ATP9B: variants seen among roughly 807,000 people sequenced by gnomAD.
ATP9B encodes the protein probable phospholipid-transporting ATPase IIB.
In ATP9B, 110 loss-of-function variants were observed where a neutral mutation model predicts 146.1. The ratio of observed to expected loss-of-function variants is 0.75; its 90% confidence interval spans 0.65 to 0.88. ATP9B has a LOEUF of 0.88. Among genes scored for constraint, ATP9B ranks in the 40% least tolerant of loss-of-function variants. ATP9B has a pLI of 0.00. For missense variants in ATP9B, 1,499 were observed against 1,496.4 expected (o/e 1.00, Z -0.03); for synonymous variants, 604 against 569.7 (o/e 1.06, Z -0.86).
At chr18:79,309,538 T>C (rs372237192) in intron 15 of ATP9B, among the ~76,000 whole-genome samples, 19 of 129,188 alleles carry the variant, frequency 1.5e-4, no homozygotes, top group East Asian at 4.9e-4. Flanking sequence ...AGGTCAGGGG[T>C]GGTGGAGTGA....
In ATP9B at chr18:79,277,100, A is replaced by C. The variant is rs1383384545; in HGVS notation, c.1315A>C (p.Met439Leu). Residue 439 changes from methionine to leucine, a missense_variant, in exon 13 of 30, where the codon ATG (methionine) becomes CTG (leucine). Met to Leu is a conservative substitution (Grantham distance 15). Coordinates refer to ENST00000426216, the MANE Select transcript of ATP9B (RefSeq NM_198531.5). ...DMGKAVYGWMMMKDENIPGTV... is the reference protein window; with the variant it reads ...DMGKAVYGWMLMKDENIPGTV... ...GGGCAAAGCGGTGTATGGATGGATG[A>C]TGATGAAAGATGAGAACATCCCTGG... 9 of 1,614,082 alleles carry C rather than the reference A, an allele frequency of 5.6e-6. No homozygotes were observed. In the Admixed American group the frequency reaches 6.7e-5, roughly 12 times the overall value.
In ATP9B at chr18:79,377,470, C is replaced by T. The variant is rs1464770209; in HGVS notation, c.*87C>T. On this transcript the variant is annotated 3_prime_UTR_variant, in exon 30 of 30. Coordinates refer to ENST00000426216, the MANE Select transcript of ATP9B (RefSeq NM_198531.5). ...CCTTGCCAGTGAACGCAGGGTTTGC[C>T]ATTGCTACCAAGCAAGCACCACAAG... The T allele has an allele frequency of 4.0e-6, 6 of 1,499,678 alleles. No individual in the cohort carries two copies. The highest frequency in any genetic ancestry group is 1.4e-5 in the African/African-American group (1 of 72,368). The allele number at this position is 1,499,678 out of a possible 1,614,324, so 92.9% of individuals were successfully genotyped here.
chr18:79,310,980 G>A lies in ATP9B; in HGVS notation c.1773+3746G>A, dbSNP rs138460882. Reference sequence around the variant, plus strand: ...AGCCTGGCCAACATGGCGAAACCCCGTCTCTACCAAAAATATAAAAAATTA... The same window carrying A: ...AGCCTGGCCAACATGGCGAAACCCCATCTCTACCAAAAATATAAAAAATTA... On this transcript the variant is annotated intron_variant, in intron 15 of 29. Coordinates refer to ENST00000426216, the MANE Select transcript of ATP9B (RefSeq NM_198531.5). 5.8e-3 allele frequency among the ~76,000 whole-genome samples: 884 copies of A among 151,968 alleles called. 4 individuals are homozygous for A. Among genetic ancestry groups the A allele is most frequent in the African/African-American group, 0.012 (518 of 41,466 alleles).
At chr18:79,339,057 C>T (rs896550096) in intron 19 of ATP9B, among the ~76,000 whole-genome samples, 13 of 152,278 alleles carry the variant, frequency 8.5e-5, no homozygotes, top group African/African-American at 3.1e-4. Flanking sequence ...CTTCTGAGAT[C>T]GCAGTAGGAA....
At position 79,373,899 on chromosome 18, in the gene ATP9B, C is replaced by G. The variant is rs149975826; in HGVS notation, c.3072C>G (p.Gly1024=). Residue 1024 remains glycine, a splice_region_variant and synonymous_variant, in exon 28 of 30, where the codon GGC becomes GGG. Transcript: ENST00000426216. Reference sequence around the variant, plus strand: ...GAAAAAGCTCCTGCTGTTTTTCAGGCGGCATCCTCATGTATGGGGCCCTGG... The same window carrying G: ...GAAAAAGCTCCTGCTGTTTTTCAGGGGGCATCCTCATGTATGGGGCCCTGG... ...LIWVLISIYQ[G]GILMYGALVL... The G allele has an allele frequency of 1.3e-4, 202 of 1,612,542 alleles. No individual in the cohort carries two copies. The African/African-American group carries it at 2.2e-3, about 18-fold the overall frequency.
intron 10 of ATP9B, chr18:79,209,517 C>G: frequency 4.2e-6 from 1 of 240,614 alleles, no homozygotes; most frequent in African/African-American, 2.3e-5. Flanking sequence ...CCATACGGTT[C>G]CCTGAACAAA....
Position 79,176,862 on chromosome 18 carries a change from G to A in ATP9B, c.828G>A (p.Lys276=). The change falls in exon 8 of 30, where the codon AAG becomes AAA. Residue 276 remains lysine, a synonymous_variant. Coordinates refer to ENST00000426216, the MANE Select transcript of ATP9B (RefSeq NM_198531.5). ...TDQLDGETDW[K]LKVAVSCTQQ... is the part of the protein sequence containing the mutation. ...AACTAGATGGTGAAACTGACTGGAA[G>A]CTGAAGGTGGCAGTGAGCTGCACGC... The A allele has an allele frequency of 6.2e-7, 1 of 1,614,162 alleles. No individual in the cohort carries two copies. Among genetic ancestry groups the A allele is most frequent in the Non-Finnish European group, 8.5e-7 (1 of 1,180,014 alleles).
At chr18:79,375,772 A>G (rs2097098767) in intron 29 of ATP9B, 1 of 985,284 alleles carries the variant, frequency 1.0e-6, no homozygotes, top group Non-Finnish European at 1.2e-6. Context: ...GAGTACACAC[A>G]AACTTAGGAA....
rs1220230539 is a variant in ATP9B, at chr18:79,336,850, A to G, written c.2112+139A>G. 4.9e-6 allele frequency: 4 copies of G among 822,222 alleles called. 1 individual carries two copies. The highest frequency in any genetic ancestry group is 5.4e-5 in the East Asian group (2 of 37,330). 50.9% of individuals were successfully genotyped at this position (822,222 alleles called of 1,614,324 possible). A position where few individuals can be genotyped will look rare whatever the true frequency, so the allele number is the denominator to read the frequency against. On this transcript the variant is annotated intron_variant, in intron 18 of 29. Transcript: ENST00000426216. Reference sequence around the variant, plus strand: ...GAAGGCAGCTTCGCTCAGCAGGAGCATGGGGTGATCCTGTCTGCATTTCTG... The same window carrying G: ...GAAGGCAGCTTCGCTCAGCAGGAGCGTGGGGTGATCCTGTCTGCATTTCTG...
chr18:79,331,665 C>T (rs990862365), intron 17 of ATP9B, among the ~76,000 whole-genome samples: 11 of 151,980 alleles, frequency 7.2e-5, no homozygotes, highest in Admixed American at 5.9e-4. Flanking sequence ...TATTATTCTG[C>T]TTCCATCAGG....
intron 19 of ATP9B, among the ~76,000 whole-genome samples, chr18:79,338,058 G>A (rs1163812701): frequency 6.6e-6 from 1 of 152,198 alleles, no homozygotes; most frequent in Non-Finnish European, 1.5e-5. Flanking sequence ...CTTCATTCTC[G>A]GTTAAATTGT....
intron 9 of ATP9B, among the ~76,000 whole-genome samples, chr18:79,202,243 T>G (rs2095495769): frequency 6.6e-6 from 1 of 152,250 alleles, no homozygotes; most frequent in African/African-American, 2.4e-5. Context: ...TTTTTCATTA[T>G]GTGAATGATT....
intron 11 of ATP9B, among the ~76,000 whole-genome samples, chr18:79,229,755 C>A (rs2095772160): frequency 6.6e-6 from 1 of 152,176 alleles, no homozygotes; most frequent in South Asian, 2.1e-4. Context: ...CATTCTTAAA[C>A]CTTAGCTTTC....
chr18:79,294,666 T>A (rs987751463), intron 13 of ATP9B, among the ~76,000 whole-genome samples: 1 of 152,230 alleles, frequency 6.6e-6, no homozygotes, highest in Admixed American at 6.5e-5. Context: ...CACCTGGAAA[T>A]TAGAACCCTG....
At chr18:79,321,229 C>T (rs554343496) in intron 15 of ATP9B, among the ~76,000 whole-genome samples, 1 of 152,294 alleles carries the variant, frequency 6.6e-6, no homozygotes, top group East Asian at 1.9e-4. Context: ...CTGCCGTGTC[C>T]GTGGGAACCA....
At chr18:79,160,754 G>GTGTT (rs148998603) in intron 7 of ATP9B, among the ~76,000 whole-genome samples, 13,246 of 151,916 alleles carry the variant, frequency 0.087, 667 homozygotes, top group East Asian at 0.19. Flanking sequence ...GGGTTTGTTT[G>GTGTT]TGTTTGTTTG....
At chr18:79,348,988 A>C (rs2147597795) in intron 25 of ATP9B, among the ~76,000 whole-genome samples, 1 of 152,334 alleles carries the variant, frequency 6.6e-6, no homozygotes. Flanking sequence ...CATCTCAAAA[A>C]ACAAAGATAA....
intron 9 of ATP9B, among the ~76,000 whole-genome samples, chr18:79,200,027 A>G (rs937874936): frequency 2.0e-5 from 3 of 152,252 alleles, no homozygotes; most frequent in Non-Finnish European, 4.4e-5. Flanking sequence ...TAAAAAGTAT[A>G]GTAACACATA....
intron 6 of ATP9B, among the ~76,000 whole-genome samples, chr18:79,149,770 C>G (rs917256170): frequency 2.0e-5 from 3 of 151,622 alleles, no homozygotes; most frequent in African/African-American, 7.3e-5. Context: ...GACATTTTGA[C>G]AAAGATTTAC....
Sources: allele counts gnomAD v4.1 joint callset (sites outside exome capture counted in the v4.1 genomes callset), GRCh38; gene constraint gnomAD v4.1.1; transcripts MANE v1.5; gene names NCBI Gene and HGNC (gene_info 2026-07-23, HGNC 2026-07-21).